UTP6: variants seen among roughly 807,000 people sequenced by gnomAD.
UTP6 encodes the protein U3 small nucleolar RNA-associated protein 6 homolog.
Under a neutral mutation model 96.5 loss-of-function variants are expected in UTP6, and 60 were observed. That is an observed-to-expected ratio of 0.62 (90% CI 0.51 to 0.77). The LOEUF (loss-of-function observed/expected upper bound fraction) is 0.77, where lower values mean the gene tolerates loss of function less well. UTP6 is among the 30% of genes least tolerant of loss of function. The pLI is 0.00. For synonymous variants in UTP6, 215 were observed against 240.1 expected, an observed-to-expected ratio of 0.90 and a Z score of 0.96; for missense variants, 637 against 706.5, an observed-to-expected ratio of 0.90 and a Z score of 1.12.
chr17:31,901,357 G>A (rs1904969560), intron 1 of UTP6, 179 bp downstream of exon 1: 1 of 598,956 alleles, frequency 1.7e-6, no homozygotes, highest in Admixed American at 2.8e-5. Context: ...GTAGACGGAC[G>A]GATTACCTTG....
At chr17:31,875,575 A>G (rs1910452238) in intron 13 of UTP6, among the ~76,000 whole-genome samples, 162 bp from the exon 14 acceptor site, 1 of 152,192 alleles carries the variant, frequency 6.6e-6, no homozygotes, top group African/African-American at 2.4e-5. Flanking sequence ...CTGTAACCCC[A>G]GCACTTTGGG....
intron 16 of UTP6, among the ~76,000 whole-genome samples, chr17:31,868,873 G>GGA (rs1291002990): frequency 2.6e-5 from 4 of 152,132 alleles, no homozygotes; most frequent in African/African-American, 9.7e-5. Flanking sequence ...CAGCACTTTG[G>GGA]GAGGCCAAGG....
chr17:31,878,788 A>G lies in UTP6; in HGVS notation c.968-7T>C, dbSNP rs552760942. The G allele has an allele frequency of 6.2e-7, 1 of 1,613,714 alleles. No homozygotes were observed. The highest frequency in any genetic ancestry group is 2.2e-5 in the East Asian group (1 of 44,878). Reference sequence around the variant, plus strand: ...TAACACTTCCACATGGCCTCTGGAAAAGTCAGAAAGATTGTGTTGATCAGA... The same window carrying G: ...TAACACTTCCACATGGCCTCTGGAAGAGTCAGAAAGATTGTGTTGATCAGA... On this transcript the variant is annotated splice_polypyrimidine_tract_variant and splice_region_variant and intron_variant, in intron 11 of 18. Transcript: ENST00000261708.
intron 1 of UTP6, 130 bp downstream of exon 1, chr17:31,901,406 G>A (rs1904971807): frequency 1.2e-6 from 1 of 816,140 alleles, no homozygotes; most frequent in Admixed American, 2.4e-5. Context: ...CACCGAAAAC[G>A]AGAAATGGGC....
chr17:31,867,846 C>T (rs1313843859), intron 17 of UTP6, among the ~76,000 whole-genome samples, 200 bp downstream of exon 17: 2 of 151,906 alleles, frequency 1.3e-5, no homozygotes, highest in African/African-American at 2.4e-5. Context: ...GTCCCAGCTA[C>T]TCCGGGGGGC....
rs1398803157 is a variant in UTP6 at position 31,861,075 on chromosome 17, A to G, written c.*2284T>C. 1.3e-5 allele frequency: 2 copies of G among 151,926 alleles called. No individual in the cohort carries two copies. The highest frequency in any genetic ancestry group is 2.9e-5 in the Non-Finnish European group (2 of 68,004). 9.4% of individuals were successfully genotyped at this position (151,926 alleles called of 1,614,324 possible). ...AACAGACATCACACATACACACACA[A>G]AATACCTCTGGGCATCAAAAATCGC... On this transcript the variant is annotated 3_prime_UTR_variant, in exon 19 of 19. Coordinates refer to ENST00000261708, the MANE Select transcript of UTP6 (RefSeq NM_018428.3).
At chr17:31,873,858 A>G (rs1040885941) in intron 14 of UTP6, 105 bp from the exon 15 acceptor site, 1 of 1,287,704 alleles carries the variant, frequency 7.8e-7, no homozygotes, top group African/African-American at 1.5e-5. Flanking sequence ...TTTATGCTAT[A>G]AAATGACAGT....
At chr17:31,885,272 G>C in intron 9 of UTP6, among the ~76,000 whole-genome samples, 2 of 151,630 alleles carry the variant, frequency 1.3e-5, no homozygotes, top group Non-Finnish European at 2.9e-5. Context: ...GGCCTCCCAA[G>C]TAGCTGGGAT....
At chr17:31,889,191 G>C (rs995104146) in intron 7 of UTP6, 94 bp downstream of exon 7, 1 of 868,302 alleles carries the variant, frequency 1.2e-6, no homozygotes, top group Non-Finnish European at 1.8e-6. Context: ...GGAGGCTGAG[G>C]CGTAAGAATT....
chr17:31,875,150 T>C, intron 14 of UTP6, 84 bp downstream of exon 14: 3 of 1,524,882 alleles, frequency 2.0e-6, no homozygotes, highest in African/African-American at 1.4e-5. Flanking sequence ...TGGCTCTCAA[T>C]AGACAAGTAC....
intron 4 of UTP6, 152 bp downstream of exon 4, chr17:31,894,493 G>A (rs1004254672): frequency 1.2e-5 from 7 of 593,070 alleles, no homozygotes; most frequent in Non-Finnish European, 2.0e-5. Context: ...TTGTTAAGTG[G>A]CTCAAAAAAT....
intron 11 of UTP6, chr17:31,880,348 G>A: frequency 2.1e-6 from 1 of 479,828 alleles, no homozygotes; most frequent in South Asian, 2.2e-5. Context: ...TTGAACCCGG[G>A]AGGTGGAGGT....
intron 18 of UTP6, among the ~76,000 whole-genome samples, chr17:31,865,042 G>A (rs893746750): frequency 6.6e-6 from 1 of 151,332 alleles, no homozygotes; most frequent in Non-Finnish European, 1.5e-5. Context: ...TTTTGAGACG[G>A]AGTTTCACTG....
chr17:31,899,558 G>C (rs1904844846), intron 2 of UTP6, 88 bp downstream of exon 2: 1 of 954,942 alleles, frequency 1.0e-6, no homozygotes, highest in African/African-American at 1.7e-5. Context: ...TCACACCACT[G>C]CACTCCAACC....
chr17:31,884,417 T>C lies in UTP6; in HGVS notation c.785+7A>G, dbSNP rs531121551. 32 of 1,603,572 alleles carry C rather than the reference T, an allele frequency of 2.0e-5. No homozygotes were observed. The South Asian group carries it at 2.5e-4, about 12-fold the overall frequency. ...GATATATTCACCTTTCTACTAACTTTACTTACTCATCATAAATCTCTTTTT... is the reference window on the plus strand; with the variant it reads ...GATATATTCACCTTTCTACTAACTTCACTTACTCATCATAAATCTCTTTTT... On this transcript the variant is annotated splice_region_variant and intron_variant, in intron 10 of 18. Transcript: ENST00000261708.
intron 16 of UTP6, among the ~76,000 whole-genome samples, chr17:31,870,102 G>C (rs1479220582): frequency 6.6e-6 from 1 of 151,912 alleles, no homozygotes; most frequent in Non-Finnish European, 1.5e-5. Context: ...TTGATTCCAT[G>C]TCCTTACTAT....
At chr17:31,892,202 T>A in intron 6 of UTP6, 58 bp downstream of exon 6, 1 of 1,577,412 alleles carries the variant, frequency 6.3e-7, no homozygotes, top group Non-Finnish European at 8.7e-7. Flanking sequence ...CGAAATAAAA[T>A]CCAAAATGGC....
intron 18 of UTP6, among the ~76,000 whole-genome samples, chr17:31,863,828 G>C (rs1319672720): frequency 6.6e-6 from 1 of 151,956 alleles, no homozygotes; most frequent in African/African-American, 2.4e-5. Context: ...TCAGCCTCCA[G>C]GGCAGCTGGG....
intron 4 of UTP6, among the ~76,000 whole-genome samples, chr17:31,894,232 GTACTC>G (rs1247570622): frequency 7.2e-6 from 1 of 138,976 alleles, no homozygotes; most frequent in Non-Finnish European, 1.5e-5. Context: ...TCACCCTACT[GTACTC>G]TAGTCTGGGC....
Sources: allele counts gnomAD v4.1 joint callset (sites outside exome capture counted in the v4.1 genomes callset), GRCh38; gene constraint gnomAD v4.1.1; transcripts MANE v1.5; gene names NCBI Gene and HGNC (gene_info 2026-07-23, HGNC 2026-07-21).